The following CEP104 variants were observed in gnomAD, a reference collection of about 807,000 sequenced individuals.
The protein encoded by CEP104 is centrosomal protein 104, also known as centrosomal protein of 104 kDa.
In CEP104, 84 loss-of-function variants were observed where a neutral mutation model predicts 113.3. The ratio of observed to expected loss-of-function variants is 0.74; its 90% CI spans 0.62 to 0.89. The LOEUF (loss-of-function observed/expected upper bound fraction) is 0.89, where lower values mean the gene tolerates loss of function less well. Ranked by LOEUF, CEP104 falls within the 40% of genes least tolerant of loss-of-function variation. The pLI, the probability that CEP104 is intolerant of heterozygous loss-of-function variation, is 0.00. For missense variants in CEP104, 1,053 were observed against 1,156.6 expected (o/e 0.91, Z 1.30); for synonymous variants, 378 against 421.7 (o/e 0.90, Z 1.27).
Position 3,839,468 on chromosome 1 carries a change from C to G in CEP104, c.735+140G>C, listed in dbSNP as rs569361562. ...TTAAAGTGCTTATCTGTCTCCGTAA[C>G]TTTATTTTGCTGAGATCTTTGAACT... is the stretch of plus-strand genomic sequence containing the variant. On this transcript the variant is annotated intron_variant, in intron 7 of 21. Coordinates refer to ENST00000378230, the MANE Select transcript of CEP104 (RefSeq NM_014704.4). The G allele has an allele frequency of 1.5e-4, 119 of 799,372 alleles. 2 individuals are homozygous for G. In the South Asian group the frequency reaches 2.1e-3, roughly 14 times the overall value. 49.5% of individuals were successfully genotyped at this position (799,372 alleles called of 1,614,324 possible).
In CEP104 at chr1:3,823,303, G is replaced by A; in HGVS notation, c.2504-62C>T. 2 of 1,608,968 alleles carry A rather than the reference G, an allele frequency of 1.2e-6. No homozygotes were observed. The highest frequency in any genetic ancestry group is 1.7e-6 in the Non-Finnish European group (2 of 1,175,338). On this transcript the variant is annotated intron_variant, in intron 19 of 21. Coordinates refer to ENST00000378230, the MANE Select transcript of CEP104 (RefSeq NM_014704.4). This position sits in a 1 kb window ranked among gnomAD's most constrained non-coding sequence, Gnocchi z 4.1. ...ATGACAGGCGACAAGACATGCTGCT[G>A]GCCTGCCCGCAGGTGCCCTTTAATT...
rs769320365 is a variant in CEP104, at chr1:3,829,906, G to C, written c.1928C>G (p.Ser643Cys). ...GTCTGGAGGAAGGTACTCCAGGATG[G>C]AAGCCTGGTGCTGTCTGTACATGTC... ...ILDMYRQHQA[S>C]ILEYLPPDDS... The change falls in exon 14 of 22, where the codon TCC becomes TGC. Residue 643 changes from serine to cysteine, a missense_variant. Ser to Cys is a moderately radical substitution (Grantham distance 112, BLOSUM62 -1). Coordinates refer to ENST00000378230, the MANE Select transcript of CEP104 (RefSeq NM_014704.4). 1 of 1,614,030 alleles carries C rather than the reference G, an allele frequency of 6.2e-7. No individual in the cohort carries two copies. The highest frequency in any genetic ancestry group is 8.5e-7 in the Non-Finnish European group (1 of 1,179,920).
chr1:3,823,554 C>G lies in CEP104; in HGVS notation c.2373G>C (p.Glu791Asp), dbSNP rs775159194. 1.9e-6 allele frequency: 3 copies of G among 1,614,102 alleles called. No individual in the cohort carries two copies. The African/African-American group carries it at 4.0e-5, about 22-fold the overall frequency. The change falls in exon 19 of 22, where the codon GAG (glutamate) becomes GAC (aspartate). Residue 791 changes from glutamate to aspartate, a missense_variant. Coordinates refer to ENST00000378230, the MANE Select transcript of CEP104 (RefSeq NM_014704.4). The surrounding 1 kb of genome is among the most constrained non-coding windows in gnomAD (Gnocchi z 4.1). ...TRCDHCKQVVEISSLTEHLLT... is the reference protein window; with the variant it reads ...TRCDHCKQVVDISSLTEHLLT... ...GCAAGTGCTCCGTCAGACTGGATAT[C>G]TCGACCACCTGGATTTCGAAATACA...
At chr1:3,853,135 T>C (rs1644648800) in intron 1 of CEP104, among the ~76,000 whole-genome samples, 1 of 152,200 alleles carries the variant, frequency 6.6e-6, no homozygotes, top group Non-Finnish European at 1.5e-5. Context: ...ACAACCAGTA[T>C]GTTAATTAGT....
In CEP104 at chr1:3,823,023, G is replaced by A; in HGVS notation, c.2571+151C>T. ...CGTAGGTAAACGGAACGACTGCTCA[G>A]ACAGGGCTCACTAGACGCTGTCCCC... On this transcript the variant is annotated intron_variant, in intron 20 of 21. Coordinates refer to ENST00000378230, the MANE Select transcript of CEP104 (RefSeq NM_014704.4). The surrounding 1 kb of genome is among the most constrained non-coding windows in gnomAD (Gnocchi z 4.1). 2.9e-6 allele frequency: 2 copies of A among 692,324 alleles called. No homozygotes were observed. Among genetic ancestry groups the A allele is most frequent in the Non-Finnish European group, 2.5e-6 (1 of 395,124 alleles). 42.9% of individuals were successfully genotyped at this position (692,324 alleles called of 1,614,324 possible). A position where few individuals can be genotyped will look rare whatever the true frequency, so the allele number is the denominator to read the frequency against.
rs1570751759 is a variant in CEP104 at position 3,812,930 on chromosome 1, G to A, written c.*2472C>T. On this transcript the variant is annotated 3_prime_UTR_variant, in exon 22 of 22. Transcript: ENST00000378230. Reference sequence around the variant, plus strand: ...AACAAAAGAGGAACCTGTTTTAAATGAACCCGTTTGCTTGTCAATCACTAA... The same window carrying A: ...AACAAAAGAGGAACCTGTTTTAAATAAACCCGTTTGCTTGTCAATCACTAA... The A allele has an allele frequency of 2.6e-5, 4 of 152,076 alleles. No homozygotes were observed. Among genetic ancestry groups the A allele is most frequent in the Admixed American group, 2.6e-4 (4 of 15,272 alleles). 9.4% of individuals were successfully genotyped at this position (152,076 alleles called of 1,614,324 possible). A position where few individuals can be genotyped will look rare whatever the true frequency, so the allele number is the denominator to read the frequency against.
Position 3,825,852 on chromosome 1 carries a change from C to T in CEP104, c.2270G>A (p.Cys757Tyr). The T allele has an allele frequency of 6.2e-7, 1 of 1,611,736 alleles. No homozygotes were observed. The highest frequency in any genetic ancestry group is 8.5e-7 in the Non-Finnish European group (1 of 1,177,830). Reference sequence around the variant, plus strand: ...TGTGAAGGATTCACTCCTTTCCCCACAAAAAATACACAAACTGAAAGCAAA... The same window carrying T: ...TGTGAAGGATTCACTCCTTTCCCCATAAAAAATACACAAACTGAAAGCAAA... ...EHYLDNLCIFCGERSESFTEE... is the reference protein window; with the variant it reads ...EHYLDNLCIFYGERSESFTEE... The change falls in exon 18 of 22, where the codon TGT (cysteine) becomes TAT (tyrosine). Residue 757 changes from cysteine (C) to tyrosine (Y), a missense_variant. Physicochemically the swap from Cys to Tyr is radical, Grantham distance 194. Transcript: ENST00000378230.
chr1:3,845,040 C>T (rs1570837493), intron 5 of CEP104, 57 bp from the exon 6 acceptor site: 2 of 1,371,484 alleles, frequency 1.5e-6, no homozygotes, highest in East Asian at 2.3e-5. Context: ...CAACACAAAA[C>T]CTTAACTACA....
intron 3 of CEP104, 102 bp downstream of exon 3, chr1:3,848,506 T>G: frequency 1.1e-6 from 1 of 947,706 alleles, no homozygotes; most frequent in Admixed American, 3.0e-5. Context: ...CACTCCAGCC[T>G]GGGTGACACA....
chr1:3,826,097 C>T (rs566304612), intron 17 of CEP104, among the ~76,000 whole-genome samples: 1 of 152,148 alleles, frequency 6.6e-6, no homozygotes, highest in Non-Finnish European at 1.5e-5. Context: ...GGAAAGTCCT[C>T]ACCAAGGAGG....
At chr1:3,855,270 C>T (rs888680473) in intron 1 of CEP104, among the ~76,000 whole-genome samples, 3 of 150,064 alleles carry the variant, frequency 2.0e-5, no homozygotes, top group Admixed American at 1.3e-4. Context: ...TAACCATGAA[C>T]TCTCGGGCTC....
rs1050334061 is a variant in CEP104 at position 3,848,773 on chromosome 1, T to C, written c.122A>G (p.Gln41Arg). ...VSGWRSPRFC[Q>R]FPQEIVLQMV... ...TTGAAGGACAATTTCTTGTGGAAAC[T>C]GGCAAAATCTGAAAGCAAACACATT... The change falls in exon 3 of 22, where the codon CAG (glutamine) becomes CGG (arginine). Residue 41 changes from glutamine (Q) to arginine (R), a missense_variant. Coordinates refer to ENST00000378230, the MANE Select transcript of CEP104 (RefSeq NM_014704.4). 6 of 1,606,570 alleles carry C rather than the reference T, an allele frequency of 3.7e-6. No homozygotes were observed. The Admixed American group carries it at 8.7e-5, about 23-fold the overall frequency.
At chr1:3,829,217 A>G in intron 15 of CEP104, 49 bp downstream of exon 15, 1 of 1,274,376 alleles carries the variant, frequency 7.8e-7, no homozygotes, top group Non-Finnish European at 1.1e-6. Flanking sequence ...ATACAGCAAA[A>G]TACATTTCAG....
Position 3,833,899 on chromosome 1 carries a change from G to A in CEP104, c.1622C>T (p.Ser541Phe), listed in dbSNP as rs1360991125. The A allele has an allele frequency of 1.1e-5, 17 of 1,614,242 alleles. No individual in the cohort carries two copies. Among genetic ancestry groups the A allele is most frequent in the Non-Finnish European group, 1.4e-5 (16 of 1,180,052 alleles). ...PVLLTRTGDS[S>F]ARLRVTAANF... ...TGCAGCTGTGACGCGGAGGCGGGCA[G>A]AAGAATCTCCAGTTCTGGTGAGCAA... is the stretch of plus-strand genomic sequence containing the variant. The change falls in exon 12 of 22, where the codon TCT becomes TTT. Residue 541 changes from serine (S) to phenylalanine (F), a missense_variant. Physicochemically the swap from Ser to Phe is radical, Grantham distance 155. Coordinates refer to ENST00000378230, the MANE Select transcript of CEP104 (RefSeq NM_014704.4).
chr1:3,825,766 A>C lies in CEP104; in HGVS notation c.2356T>G (p.Cys786Gly), dbSNP rs1178304378. 6 of 1,610,908 alleles carry C rather than the reference A, an allele frequency of 3.7e-6. No individual in the cohort carries two copies. Among genetic ancestry groups the C allele is most frequent in the Non-Finnish European group, 5.1e-6 (6 of 1,177,050 alleles). Residue 786 changes from cysteine (C) to glycine (G), a missense_variant, in exon 18 of 22, where the codon TGC becomes GGC. By Grantham distance (159) the Cys-to-Gly change is radical. Transcript: ENST00000378230. ...TGTGCCGCTGGCCTGACCTGTTTGC[A>C]GTGGTCACATCTTGTCAGCATGAGA... ...HCLMLTRCDH[C>G]KQVVEISSLT...
intron 8 of CEP104, 38 bp from the exon 9 acceptor site, chr1:3,837,557 C>A: frequency 6.6e-7 from 1 of 1,523,868 alleles, no homozygotes; most frequent in South Asian, 1.1e-5. Flanking sequence ...TCAAATGCCA[C>A]TGCCACGCCA....
chr1:3,823,562 C>T lies in CEP104; in HGVS notation c.2365G>A (p.Val789Met). The part of the protein sequence containing the change: ...MLTRCDHCKQ[V>M]VEISSLTEHL... ...TCCGTCAGACTGGATATCTCGACCA[C>T]CTGGATTTCGAAATACAGAGCAAAG... Residue 789 changes from valine (V) to methionine (M), a missense_variant and splice_region_variant, in exon 19 of 22, where the codon GTG becomes ATG. Val to Met is a conservative substitution (Grantham distance 21, BLOSUM62 1). Coordinates refer to ENST00000378230, the MANE Select transcript of CEP104 (RefSeq NM_014704.4). This position sits in a 1 kb window ranked among gnomAD's most constrained non-coding sequence, Gnocchi z 4.1. 1.2e-6 allele frequency: 2 copies of T among 1,614,220 alleles called. No homozygotes were observed. The highest frequency in any genetic ancestry group is 1.7e-6 in the Non-Finnish European group (2 of 1,180,048).
chr1:3,830,574 C>T (rs1644184470), intron 13 of CEP104, among the ~76,000 whole-genome samples: 1 of 151,792 alleles, frequency 6.6e-6, no homozygotes, highest in Non-Finnish European at 1.5e-5. Context: ...GAGATCGAGA[C>T]CATCCTGGCT....
chr1:3,854,078 G>A (rs11578581), intron 1 of CEP104, among the ~76,000 whole-genome samples: 31,101 of 152,070 alleles, frequency 0.2, 3,538 homozygotes, highest in Non-Finnish European at 0.25. Context: ...CTTCTGGGTC[G>A]CATGGGCTCT....
Sources: allele counts gnomAD v4.1 joint callset (sites outside exome capture counted in the v4.1 genomes callset), GRCh38; gene constraint gnomAD v4.1.1; non-coding constraint Gnocchi (gnomAD v3.1); transcripts MANE v1.5; gene names NCBI Gene and HGNC (gene_info 2026-07-23, HGNC 2026-07-21).